GABPB1: variants seen among roughly 807,000 people sequenced by gnomAD.
The protein encoded by GABPB1 is GA-binding protein subunit beta-1.
In GABPB1, 15 loss-of-function variants were observed where a neutral mutation model predicts 45.9. That is an observed-to-expected ratio of 0.33 (90% CI 0.22 to 0.50). The LOEUF is 0.50. GABPB1 is among the 20% of genes least tolerant of loss of function. GABPB1 has a pLI of 0.98. For missense variants in GABPB1, 252 were observed against 457.5 expected, an observed-to-expected ratio of 0.55 and a Z score of 4.10; for synonymous variants, 143 against 154.4, an observed-to-expected ratio of 0.93 and a Z score of 0.55.
intron 1 of GABPB1, among the ~76,000 whole-genome samples, chr15:50,318,593 G>A (rs1018795273): frequency 4.6e-5 from 7 of 152,084 alleles, no homozygotes; most frequent in African/African-American, 1.7e-4. Context: ...ATAGGAGAGA[G>A]TACCCAAAAT....
chr15:50,300,909 GA>G lies in GABPB1; in HGVS notation c.584-8del. The G allele has an allele frequency of 1.3e-6, 2 of 1,488,448 alleles. No individual in the cohort carries two copies. The highest frequency in any genetic ancestry group is 2.8e-5 in the African/African-American group (2 of 72,222). The allele number at this position is 1,488,448 out of a possible 1,614,324, so 92.2% of individuals were successfully genotyped here. On this transcript the variant is annotated splice_polypyrimidine_tract_variant and splice_region_variant and intron_variant, in intron 5 of 8. Transcript: ENST00000380877. Reference sequence around the variant, plus strand: ...GCAGATACACCCGTTTCATCTGTAAGAAAAAAGAAAATAGATTTGAATTTCT... The same window carrying G: ...GCAGATACACCCGTTTCATCTGTAAGAAAAAGAAAATAGATTTGAATTTCT...
At chr15:50,321,982 C>CAAAAAA (rs34649125) in intron 1 of GABPB1, among the ~76,000 whole-genome samples, 1 of 136,320 alleles carries the variant, frequency 7.3e-6, no homozygotes, top group Non-Finnish European at 1.6e-5. Context: ...CAGATGTGAC[C>CAAAAAA]AAAAAAAAAA....
chr15:50,309,959 A>C (rs2047074906), intron 1 of GABPB1, among the ~76,000 whole-genome samples, 161 bp from the exon 2 acceptor site: 1 of 152,258 alleles, frequency 6.6e-6, no homozygotes, highest in Admixed American at 6.5e-5. Context: ...AAAGCAATTT[A>C]TATTTGGATT....
At chr15:50,298,931 G>C (rs2046621179) in intron 6 of GABPB1, among the ~76,000 whole-genome samples, 1 of 130,884 alleles carries the variant, frequency 7.6e-6, no homozygotes, top group Non-Finnish European at 1.5e-5. Context: ...CAGCCTGTGT[G>C]ACAAAATGAG....
chr15:50,304,471 G>C (rs1415369717), intron 2 of GABPB1, among the ~76,000 whole-genome samples: 1 of 152,188 alleles, frequency 6.6e-6, no homozygotes, highest in Non-Finnish European at 1.5e-5. Flanking sequence ...AGCACTTTGG[G>C]AAGCCAAGGC....
At chr15:50,304,429 G>A (rs1263936051) in intron 2 of GABPB1, among the ~76,000 whole-genome samples, 1 of 152,166 alleles carries the variant, frequency 6.6e-6, no homozygotes, top group Non-Finnish European at 1.5e-5. Flanking sequence ...AAGATATAGA[G>A]GCCGAACGTG....
chr15:50,296,196 G>T (rs1350715143), intron 6 of GABPB1, among the ~76,000 whole-genome samples: 2 of 152,042 alleles, frequency 1.3e-5, no homozygotes, highest in Admixed American at 1.3e-4. Flanking sequence ...TGGCTGTTTT[G>T]TAACCAGGAA....
intron 7 of GABPB1, among the ~76,000 whole-genome samples, chr15:50,287,460 G>A (rs2046203048): frequency 1.3e-5 from 2 of 152,122 alleles, no homozygotes; most frequent in South Asian, 2.1e-4. Context: ...AGATAATTAA[G>A]GTAAAATGAG....
chr15:50,300,891 C>T lies in GABPB1; in HGVS notation c.595G>A (p.Val199Ile), dbSNP rs201534979. 1.4e-5 allele frequency: 22 copies of T among 1,593,896 alleles called. No homozygotes were observed. In the Admixed American group the frequency reaches 2.5e-4, roughly 18 times the overall value. Residue 199 changes from valine to isoleucine, a missense_variant, in exon 6 of 9, where the codon GTA (valine) becomes ATA (isoleucine). Physicochemically the swap from Val to Ile is conservative, Grantham distance 29 (BLOSUM62 3). Transcript: ENST00000380877. ...GVVNLTDETG[V>I]SAVQFGNSST... is the part of the protein sequence containing the mutation. ...GAGTTTCCAAACTGAACAGCAGATA[C>T]ACCCGTTTCATCTGTAAGAAAAAAG... is the stretch of plus-strand genomic sequence containing the variant.
chr15:50,343,949 C>A (rs1158401634), intron 1 of GABPB1, among the ~76,000 whole-genome samples: 1 of 152,188 alleles, frequency 6.6e-6, no homozygotes, highest in Non-Finnish European at 1.5e-5. Context: ...TACTTTTATT[C>A]CTTTTCATTT....
chr15:50,343,244 C>T (rs2048447140), intron 1 of GABPB1, among the ~76,000 whole-genome samples: 1 of 151,984 alleles, frequency 6.6e-6, no homozygotes, highest in Non-Finnish European at 1.5e-5. Context: ...CATCTCTTCT[C>T]AGCTCATCTA....
chr15:50,280,294 G>A (rs1002383108), intron 8 of GABPB1, among the ~76,000 whole-genome samples: 5 of 152,124 alleles, frequency 3.3e-5, no homozygotes, highest in African/African-American at 1.2e-4. Flanking sequence ...AGACAACCTA[G>A]GATGAGTCCA....
At chr15:50,308,668 A>G (rs2047025821) in intron 2 of GABPB1, among the ~76,000 whole-genome samples, 1 of 152,164 alleles carries the variant, frequency 6.6e-6, no homozygotes, top group Admixed American at 6.5e-5. Flanking sequence ...GTGTGAGTTC[A>G]CCTAATGTTC....
At chr15:50,324,489 T>G (rs981368635) in intron 1 of GABPB1, among the ~76,000 whole-genome samples, 4 of 151,260 alleles carry the variant, frequency 2.6e-5, no homozygotes, top group African/African-American at 9.7e-5. Flanking sequence ...CCCCTGGCTT[T>G]GAAGCCCCTC....
intron 8 of GABPB1, 32 bp from the exon 9 acceptor site, chr15:50,278,816 T>C (rs2045890648): frequency 6.4e-7 from 1 of 1,551,442 alleles, no homozygotes; most frequent in Non-Finnish European, 8.7e-7. Flanking sequence ...TTTTTTTAAT[T>C]TTTGCAAAAA....
chr15:50,348,342 C>CCG (rs1375504537), intron 1 of GABPB1, among the ~76,000 whole-genome samples: 5 of 152,130 alleles, frequency 3.3e-5, no homozygotes, highest in Non-Finnish European at 7.4e-5. Context: ...ACAACCTCCG[C>CCG]CTCCCAGACT....
At chr15:50,290,132 T>C (rs1018804690) in intron 6 of GABPB1, among the ~76,000 whole-genome samples, 3 of 152,216 alleles carry the variant, frequency 2.0e-5, no homozygotes, top group African/African-American at 4.8e-5. Context: ...GCCAGAGGTG[T>C]TGGAGATATC....
At position 50,307,552 on chromosome 15, in the gene GABPB1, A is replaced by G. The variant is rs181766652; in HGVS notation, c.108+2139T>C. ...CCCATCTCTACTAAAAATACAAAAC[A>G]TTAGCTGGGCTTGGTGGTGGGTGCC... On this transcript the variant is annotated intron_variant, in intron 2 of 8. Transcript: ENST00000380877. Among the ~76,000 whole-genome samples the G allele has an allele frequency of 2.0e-5, 3 of 152,002 alleles. No individual in the cohort carries two copies. In the South Asian group the frequency reaches 6.2e-4, roughly 32 times the overall value.
chr15:50,347,687 C>T (rs1295392466), intron 1 of GABPB1, among the ~76,000 whole-genome samples: 2 of 152,082 alleles, frequency 1.3e-5, no homozygotes, highest in Non-Finnish European at 2.9e-5. Context: ...TTACAACCAC[C>T]TCAGTCTCTA....
Sources: allele counts gnomAD v4.1 joint callset (sites outside exome capture counted in the v4.1 genomes callset), GRCh38; gene constraint gnomAD v4.1.1; transcripts MANE v1.5; gene names NCBI Gene and HGNC (gene_info 2026-07-23, HGNC 2026-07-21).